GRID2: variants seen among roughly 807,000 people sequenced by gnomAD.
GRID2 encodes the protein glutamate ionotropic receptor delta type subunit 2, also known as glutamate receptor ionotropic, delta-2.
Under a neutral mutation model 114.8 loss-of-function variants are expected in GRID2, and 33 were observed. The observed-to-expected ratio is 0.29, with a 90% CI of 0.22 to 0.38. The LOEUF (loss-of-function observed/expected upper bound fraction) is 0.38, where lower values mean the gene tolerates loss of function less well. GRID2 is among the 10% of genes least tolerant of loss of function. The pLI, the probability that GRID2 is intolerant of heterozygous loss-of-function variation, is 1.00. For synonymous variants in GRID2, 505 were observed against 449.9 expected (o/e 1.12, Z -1.55); for missense variants, 1,184 against 1,257.7 (o/e 0.94, Z 0.89).
At chr4:92,606,770 A>G (rs776909858) in intron 2 of GRID2, among the ~76,000 whole-genome samples, 25 of 151,974 alleles carry the variant, frequency 1.6e-4, no homozygotes, top group Non-Finnish European at 3.4e-4. Flanking sequence ...ATTGTTTTCT[A>G]TTGGAATTTT....
intron 2 of GRID2, among the ~76,000 whole-genome samples, chr4:92,855,708 C>T (rs1578319316): frequency 6.6e-6 from 1 of 151,678 alleles, no homozygotes; most frequent in African/African-American, 2.4e-5. Context: ...TTTTATTAAA[C>T]TTAACACACA....
intron 11 of GRID2, among the ~76,000 whole-genome samples, chr4:93,481,052 T>G (rs1413912929): frequency 6.6e-6 from 1 of 152,052 alleles, no homozygotes; most frequent in African/African-American, 2.4e-5. Flanking sequence ...TCTGAAATCT[T>G]ACCACCCATG....
intron 2 of GRID2, among the ~76,000 whole-genome samples, chr4:92,801,990 T>G (rs1740195766): frequency 1.3e-5 from 2 of 151,942 alleles, no homozygotes; most frequent in East Asian, 3.9e-4. Context: ...CCACATTGTT[T>G]TTTTTAAAAA....
chr4:92,584,765 A>G (rs1174368794), intron 1 of GRID2, among the ~76,000 whole-genome samples: 1 of 150,736 alleles, frequency 6.6e-6, no homozygotes, highest in African/African-American at 2.5e-5. Context: ...AGCCACCATA[A>G]AAAAAAATGC....
chr4:92,800,046 T>C (rs1213290612), intron 2 of GRID2, among the ~76,000 whole-genome samples: 1 of 151,994 alleles, frequency 6.6e-6, no homozygotes, highest in Non-Finnish European at 1.5e-5. Context: ...TTGCACTACG[T>C]CAGTTCTTTT....
At chr4:93,115,519 A>G (rs2149356745) in intron 4 of GRID2, among the ~76,000 whole-genome samples, 1 of 152,254 alleles carries the variant, frequency 6.6e-6, no homozygotes, top group East Asian at 1.9e-4. Context: ...TTCTATTGAG[A>G]CATACGATGT....
chr4:92,357,157 C>T (rs1294277798), intron 1 of GRID2, among the ~76,000 whole-genome samples: 1 of 151,704 alleles, frequency 6.6e-6, no homozygotes, highest in Non-Finnish European at 1.5e-5. Context: ...AAAAAAAATG[C>T]CTTTCTGCTA....
intron 13 of GRID2, among the ~76,000 whole-genome samples, chr4:93,548,667 T>C (rs747868884): frequency 1.3e-5 from 2 of 152,188 alleles, no homozygotes; most frequent in Non-Finnish European, 2.9e-5. Context: ...CTCAGTAAGA[T>C]TGACTGTCCT....
chr4:92,490,918 G>T (rs1160130190), intron 1 of GRID2, among the ~76,000 whole-genome samples: 1 of 151,858 alleles, frequency 6.6e-6, no homozygotes, highest in Non-Finnish European at 1.5e-5. Flanking sequence ...CCATACAATT[G>T]AAACATAAAA....
At chr4:93,561,055 G>A (rs1005945684) in intron 13 of GRID2, among the ~76,000 whole-genome samples, 3 of 151,524 alleles carry the variant, frequency 2.0e-5, no homozygotes, top group Admixed American at 1.3e-4. Flanking sequence ...ATCCTTTTTG[G>A]TGTTTATTTT....
chr4:93,542,722 G>C (rs1732777553), intron 13 of GRID2, among the ~76,000 whole-genome samples: 3 of 152,152 alleles, frequency 2.0e-5, no homozygotes, highest in Admixed American at 2.0e-4. Context: ...AAGGCAGGAG[G>C]AGACCAGGGC....
At chr4:92,960,444 C>T (rs1473844246) in intron 2 of GRID2, among the ~76,000 whole-genome samples, 1 of 151,950 alleles carries the variant, frequency 6.6e-6, no homozygotes, top group African/African-American at 2.4e-5. Flanking sequence ...CGATGCAATG[C>T]TGTTAAGTAT....
chr4:93,409,502 T>C (rs1457159624), intron 9 of GRID2, among the ~76,000 whole-genome samples: 1 of 152,072 alleles, frequency 6.6e-6, no homozygotes, highest in Non-Finnish European at 1.5e-5. Context: ...AAAGTTGAAG[T>C]GTGGCTTGGA....
At chr4:92,691,107 G>A (rs1444136035) in intron 2 of GRID2, among the ~76,000 whole-genome samples, 3 of 152,102 alleles carry the variant, frequency 2.0e-5, no homozygotes, top group Non-Finnish European at 4.4e-5. Flanking sequence ...GAGATAATTA[G>A]TGTCAGCAAA....
At chr4:93,391,754 A>G (rs572142560) in intron 8 of GRID2, among the ~76,000 whole-genome samples, 8 of 152,314 alleles carry the variant, frequency 5.3e-5, no homozygotes, top group Non-Finnish European at 2.9e-5. Context: ...TTGAGGAAGA[A>G]AGAGTAAATA....
chr4:93,546,706 G>T (rs1440433496), intron 13 of GRID2, among the ~76,000 whole-genome samples: 1 of 152,134 alleles, frequency 6.6e-6, no homozygotes, highest in Non-Finnish European at 1.5e-5. Flanking sequence ...ATGAAAGTAG[G>T]TATGCTTTGT....
intron 9 of GRID2, among the ~76,000 whole-genome samples, chr4:93,413,843 T>G: frequency 6.6e-6 from 1 of 152,210 alleles, no homozygotes; most frequent in East Asian, 1.9e-4. Context: ...CCATTAAATT[T>G]GAATGTGTGT....
chr4:93,469,473 A>G (rs1452488527), intron 11 of GRID2, among the ~76,000 whole-genome samples: 5 of 151,954 alleles, frequency 3.3e-5, no homozygotes, highest in Admixed American at 3.3e-4. Context: ...TAAAATGTAT[A>G]TATACCTTCT....
chr4:93,665,575 G>A (rs1056461694), intron 14 of GRID2, among the ~76,000 whole-genome samples: 2 of 152,134 alleles, frequency 1.3e-5, no homozygotes, highest in Non-Finnish European at 2.9e-5. Context: ...CTCAAAATCT[G>A]CTATTTTGTT....
Sources: allele counts gnomAD v4.1 joint callset (sites outside exome capture counted in the v4.1 genomes callset), GRCh38; gene constraint gnomAD v4.1.1; transcripts MANE v1.5; gene names NCBI Gene and HGNC (gene_info 2026-07-23, HGNC 2026-07-21).